Variants in RBMS3 observed in about 807,000 individuals in gnomAD.
The protein encoded by RBMS3 is RNA binding motif single stranded interacting protein 3, also known as RNA-binding motif, single-stranded-interacting protein 3.
In RBMS3, 27 loss-of-function variants were observed where a neutral mutation model predicts 66.8. That is an observed-to-expected ratio of 0.40 (90% CI 0.30 to 0.56). The LOEUF (loss-of-function observed/expected upper bound fraction) is 0.56. Ranked by LOEUF, RBMS3 falls within the 20% of genes least tolerant of loss-of-function variation. The probability of loss-of-function intolerance (pLI) is 0.40; values close to 1 mark genes in which losing one functional copy is unlikely to be tolerated. For missense variants in RBMS3, 513 were observed against 549.5 expected, an observed-to-expected ratio of 0.93 and a Z score of 0.66; for synonymous variants, 188 against 183.0, an observed-to-expected ratio of 1.03 and a Z score of -0.22.
chr3:29,745,429 G>C (rs1285406794), intron 5 of RBMS3, among the ~76,000 whole-genome samples: 2 of 152,136 alleles, frequency 1.3e-5, no homozygotes, highest in Non-Finnish European at 2.9e-5. Flanking sequence ...CGAGGGTAAG[G>C]ATCAGAGCGT....
At chr3:29,761,277 A>ACG in intron 5 of RBMS3, among the ~76,000 whole-genome samples, 2 of 152,236 alleles carry the variant, frequency 1.3e-5, no homozygotes, top group South Asian at 4.1e-4. Context: ...CTTCATAAGA[A>ACG]TGTACATCTG....
chr3:29,653,851 G>A (rs912221677), intron 4 of RBMS3, among the ~76,000 whole-genome samples: 14 of 152,248 alleles, frequency 9.2e-5, no homozygotes, highest in Admixed American at 9.2e-4. Context: ...GTTATGCTGA[G>A]GAAGATCTAA....
chr3:29,848,176 C>T (rs1338466045), intron 6 of RBMS3, among the ~76,000 whole-genome samples: 1 of 152,136 alleles, frequency 6.6e-6, no homozygotes, highest in Non-Finnish European at 1.5e-5. Context: ...AGAAGTTCTT[C>T]CCTTCAAAGG....
chr3:29,820,168 A>G lies in RBMS3; in HGVS notation c.638-48690A>G, dbSNP rs537092674. Among the ~76,000 whole-genome samples the G allele has an allele frequency of 6.4e-5, 8 of 124,884 alleles. No individual in the cohort carries two copies. In the East Asian group the frequency reaches 2.0e-3, roughly 31 times the overall value. 81.9% of individuals were successfully genotyped at this position (124,884 alleles called of 152,430 possible). A position where few individuals can be genotyped will look rare whatever the true frequency, so the allele number is the denominator to read the frequency against. On this transcript the variant is annotated intron_variant, in intron 6 of 14. Coordinates refer to ENST00000383767, the MANE Select transcript of RBMS3 (RefSeq NM_001003793.3). ...CGAGACACTGCACTGCAGCCTGGGTAACAGAGTGAGACTTCTTCTCAAAAA... is the reference window on the plus strand; with the variant it reads ...CGAGACACTGCACTGCAGCCTGGGTGACAGAGTGAGACTTCTTCTCAAAAA...
At chr3:29,928,201 T>TACAC (rs1227395276) in intron 10 of RBMS3, among the ~76,000 whole-genome samples, 53 of 109,040 alleles carry the variant, frequency 4.9e-4, no homozygotes, top group African/African-American at 1.6e-3. Flanking sequence ...TATATATATA[T>TACAC]ATATATATAT....
intron 1 of RBMS3, among the ~76,000 whole-genome samples, chr3:29,315,661 A>G (rs1359763299): frequency 6.6e-6 from 1 of 151,766 alleles, no homozygotes; most frequent in Admixed American, 6.6e-5. Context: ...TGTACTGTTA[A>G]ACATTAAACT....
chr3:29,408,271 CAAA>C (rs10708935), intron 1 of RBMS3, among the ~76,000 whole-genome samples: 2,991 of 74,704 alleles, frequency 0.04, 28 homozygotes, highest in Middle Eastern at 0.058. Flanking sequence ...GACTCCATCT[CAAA>C]AAAAAAAAAA....
chr3:29,452,551 G>A (rs573388333), intron 2 of RBMS3, among the ~76,000 whole-genome samples: 3 of 152,232 alleles, frequency 2.0e-5, no homozygotes, highest in Admixed American at 1.3e-4. Flanking sequence ...TAGAATGCCC[G>A]TAAGCCAACT....
intron 1 of RBMS3, among the ~76,000 whole-genome samples, chr3:29,291,280 T>C (rs546808369): frequency 4.6e-5 from 7 of 152,070 alleles, no homozygotes; most frequent in Non-Finnish European, 7.4e-5. Context: ...TGGCCATATC[T>C]TTCACTATTG....
intron 6 of RBMS3, among the ~76,000 whole-genome samples, chr3:29,808,676 G>T (rs575062243): frequency 6.6e-6 from 1 of 151,842 alleles, no homozygotes; most frequent in Non-Finnish European, 1.5e-5. Flanking sequence ...GTAATTTAAC[G>T]CCTGGTTAAA....
intron 1 of RBMS3, among the ~76,000 whole-genome samples, chr3:29,368,021 A>G (rs1382588133): frequency 6.6e-6 from 1 of 152,220 alleles, no homozygotes; most frequent in African/African-American, 2.4e-5. Context: ...CATACAGACC[A>G]GTTTGCACAC....
intron 3 of RBMS3, among the ~76,000 whole-genome samples, chr3:29,500,660 G>T (rs76129744): frequency 0.024 from 3,658 of 151,982 alleles, 101 homozygotes; most frequent in Admixed American, 0.089. Context: ...TGTAGCCTAG[G>T]AGTAATATGC....
chr3:29,676,078 T>C lies in RBMS3; in HGVS notation c.400-63642T>C, dbSNP rs987591749. 3.3e-5 allele frequency among the ~76,000 whole-genome samples: 5 copies of C among 152,202 alleles called. 1 individual carries two copies. The South Asian group carries it at 8.3e-4, about 25-fold the overall frequency. On this transcript the variant is annotated intron_variant, in intron 4 of 14. Coordinates refer to ENST00000383767, the MANE Select transcript of RBMS3 (RefSeq NM_001003793.3). Reference sequence around the variant, plus strand: ...AAGCAAATGTGGCACATATACACCATGGAATACTATGCAGCCATAAAAAAG... The same window carrying C: ...AAGCAAATGTGGCACATATACACCACGGAATACTATGCAGCCATAAAAAAG...
At chr3:29,400,991 A>G (rs970205263) in intron 1 of RBMS3, among the ~76,000 whole-genome samples, 1 of 152,108 alleles carries the variant, frequency 6.6e-6, no homozygotes, top group Admixed American at 6.6e-5. Context: ...AGGTTTTAGG[A>G]TAAGATCTTG....
intron 6 of RBMS3, among the ~76,000 whole-genome samples, chr3:29,820,418 A>G (rs1045811961): frequency 7.9e-5 from 12 of 151,954 alleles, no homozygotes; most frequent in Non-Finnish European, 1.8e-4. Context: ...CAAATCCTCT[A>G]TTAGAGGATT....
chr3:29,984,992 G>A (rs971299500), intron 12 of RBMS3, among the ~76,000 whole-genome samples: 5 of 152,126 alleles, frequency 3.3e-5, no homozygotes, highest in South Asian at 2.1e-4. Flanking sequence ...CTGAAGCTGC[G>A]CCCACAGCCA....
At chr3:29,916,518 A>G (rs9854503) in intron 10 of RBMS3, among the ~76,000 whole-genome samples, 2,349 of 152,020 alleles carry the variant, frequency 0.015, 57 homozygotes, top group African/African-American at 0.052. Flanking sequence ...GGGGAAGGAC[A>G]TATTTGTCCT....
intron 5 of RBMS3, among the ~76,000 whole-genome samples, chr3:29,759,173 G>A (rs1314075758): frequency 6.6e-6 from 1 of 151,874 alleles, no homozygotes; most frequent in Non-Finnish European, 1.5e-5. Context: ...TGTGGGAATT[G>A]TATCGGCTGT....
At chr3:29,497,972 CATTTTTTTT>C (rs1559412884) in intron 3 of RBMS3, among the ~76,000 whole-genome samples, 55 of 42,260 alleles carry the variant, frequency 1.3e-3, no homozygotes, top group African/African-American at 5.2e-3. Flanking sequence ...TAAAAGTATT[CATTTTTTTT>C]TTTTTTTTTT....
Sources: gnomAD v4.1 joint callset for allele counts (sites outside exome capture counted in the v4.1 genomes callset) on GRCh38, gnomAD v4.1.1 for gene constraint, MANE v1.5 for transcripts, NCBI Gene and HGNC (gene_info 2026-07-23, HGNC 2026-07-21) for gene names.